Variants in RADIL observed in about 807,000 individuals in gnomAD.
The protein encoded by RADIL is ras-associating and dilute domain-containing protein.
A neutral mutation model predicts 97.6 loss-of-function variants in RADIL; 99 were observed. The ratio of observed to expected loss-of-function variants is 1.01; its 90% CI spans 0.86 to 1.20. RADIL has a LOEUF of 1.20. Ranked by LOEUF, RADIL falls within the 50% of genes most tolerant of loss-of-function variation. The pLI is 0.00. For missense variants in RADIL, 1,765 were observed against 1,498.9 expected (o/e 1.18, Z -2.93); for synonymous variants, 803 against 691.8 (o/e 1.16, Z -2.52).
Position 4,822,603 on chromosome 7 carries a change from A to T in RADIL, c.1455-49T>A. ...GTTACGCGGGGACCCGACCCTCAGGAGGCTGAATCTACCACTCTTTCTACA... is the reference window on the plus strand; with the variant it reads ...GTTACGCGGGGACCCGACCCTCAGGTGGCTGAATCTACCACTCTTTCTACA... On this transcript the variant is annotated intron_variant, in intron 5 of 14. Coordinates refer to ENST00000399583, the MANE Select transcript of RADIL (RefSeq NM_018059.5). This position sits in a 1 kb window ranked among gnomAD's most constrained non-coding sequence, Gnocchi z 5.3. 1 of 1,581,904 alleles carries T rather than the reference A, an allele frequency of 6.3e-7. No homozygotes were observed. Among genetic ancestry groups the T allele is most frequent in the Non-Finnish European group, 8.6e-7 (1 of 1,165,246 alleles).
chr7:4,861,278 G>T (rs1381376029), intron 2 of RADIL: 1 of 1,614,134 alleles, frequency 6.2e-7, no homozygotes, highest in East Asian at 2.2e-5. Context: ...TTCTGGAATA[G>T]TCTGTAGTGC....
At chr7:4,865,623 C>A in intron 2 of RADIL, 1 of 845,766 alleles carries the variant, frequency 1.2e-6, no homozygotes, top group Non-Finnish European at 2.1e-6. Flanking sequence ...TCGATGGTCA[C>A]CACCCCTCCA....
At chr7:4,850,227 A>C (rs11973226) in intron 2 of RADIL, among the ~76,000 whole-genome samples, 6 of 150,634 alleles carry the variant, frequency 4.0e-5, no homozygotes, top group African/African-American at 1.2e-4. Context: ...AAAAAAAAAA[A>C]AAAAAAAAAA....
At position 4,879,541 on chromosome 7, in the gene RADIL, T is replaced by A. The variant is rs1055805183; in HGVS notation, c.-64-1338A>T. Among the ~76,000 whole-genome samples the A allele has an allele frequency of 2.6e-5, 4 of 152,078 alleles. 1 individual carries two copies. Among genetic ancestry groups the A allele is most frequent in the African/African-American group, 9.7e-5 (4 of 41,406 alleles). ...TTCTGGAAAGCTCTGGAAAGAGTGG[T>A]CCAGGTCCCAGTGAACACAGCACGG... On this transcript the variant is annotated intron_variant, in intron 1 of 14. Coordinates refer to ENST00000399583, the MANE Select transcript of RADIL (RefSeq NM_018059.5). The surrounding 1 kb of genome is among the most constrained non-coding windows in gnomAD (Gnocchi z 4.1).
Position 4,815,483 on chromosome 7 carries a change from G to T in RADIL, c.1967-33C>A, listed in dbSNP as rs1262761074. On this transcript the variant is annotated intron_variant, in intron 8 of 14. Transcript: ENST00000399583. The surrounding 1 kb of genome is among the most constrained non-coding windows in gnomAD (Gnocchi z 8.0). Reference sequence around the variant, plus strand: ...GGGAAGAAGGGAGGGTGATGCCTGGGCTGCCCTCCTGGGGGGACACAGACA... The same window carrying T: ...GGGAAGAAGGGAGGGTGATGCCTGGTCTGCCCTCCTGGGGGGACACAGACA... 1 of 1,468,178 alleles carries T rather than the reference G, an allele frequency of 6.8e-7. No homozygotes were observed. 90.9% of individuals were successfully genotyped at this position (1,468,178 alleles called of 1,614,324 possible).
At chr7:4,802,813 G>GGGT (rs1782151022) in intron 11 of RADIL, among the ~76,000 whole-genome samples, 1 of 127,298 alleles carries the variant, frequency 7.9e-6, no homozygotes, top group African/African-American at 3.3e-5. Flanking sequence ...CATGCTGGCT[G>GGGT]GACCCCCTCC....
chr7:4,802,705 T>G (rs1207376870), intron 11 of RADIL, among the ~76,000 whole-genome samples: 1 of 32,910 alleles, frequency 3.0e-5, no homozygotes, highest in Non-Finnish European at 5.6e-5. Flanking sequence ...GCTGGCTGGG[T>G]CCCCTCCCCA....
chr7:4,868,255 G>C (rs2115041980), intron 2 of RADIL, among the ~76,000 whole-genome samples: 1 of 152,274 alleles, frequency 6.6e-6, no homozygotes, highest in South Asian at 2.1e-4. Context: ...GTAGAGACGG[G>C]GTTTCACCGT....
chr7:4,875,769 G>A (rs1784362916), intron 2 of RADIL, among the ~76,000 whole-genome samples: 1 of 152,240 alleles, frequency 6.6e-6, no homozygotes, highest in South Asian at 2.1e-4. Flanking sequence ...GGGTTTCCTG[G>A]CCTCACAGGA....
At position 4,854,988 on chromosome 7, in the gene RADIL, A is replaced by C. The variant is rs190414954; in HGVS notation, c.536-18383T>G. On this transcript the variant is annotated intron_variant, in intron 2 of 14. Transcript: ENST00000399583. This position sits in a 1 kb window ranked among gnomAD's most constrained non-coding sequence, Gnocchi z 5.1. ...ACACCACACATTTTTGGAACCCTAA[A>C]TTACACTGCTCTACTTTGCTTATTT... Among the ~76,000 whole-genome samples, 1 of 152,278 alleles carries C rather than the reference A, an allele frequency of 6.6e-6. No individual in the cohort carries two copies. Among genetic ancestry groups the C allele is most frequent in the East Asian group, 1.9e-4 (1 of 5,188 alleles).
chr7:4,830,576 C>T (rs1783111778), intron 5 of RADIL, among the ~76,000 whole-genome samples: 2 of 152,066 alleles, frequency 1.3e-5, no homozygotes, highest in South Asian at 4.1e-4. Flanking sequence ...CCTCGTGCAG[C>T]CATAAAAAAG....
Position 4,854,969 on chromosome 7 carries a change from C to G in RADIL, c.536-18364G>C, listed in dbSNP as rs1426462960. On this transcript the variant is annotated intron_variant, in intron 2 of 14. Coordinates refer to ENST00000399583, the MANE Select transcript of RADIL (RefSeq NM_018059.5). The surrounding 1 kb of genome is among the most constrained non-coding windows in gnomAD (Gnocchi z 5.1). Reference sequence around the variant, plus strand: ...CCTTTTTTCATTTATAGTTACACCACACATTTTTGGAACCCTAAATTACAC... The same window carrying G: ...CCTTTTTTCATTTATAGTTACACCAGACATTTTTGGAACCCTAAATTACAC... Among the ~76,000 whole-genome samples the G allele has an allele frequency of 6.6e-6, 1 of 152,156 alleles. No individual in the cohort carries two copies. Among genetic ancestry groups the G allele is most frequent in the Non-Finnish European group, 1.5e-5 (1 of 68,024 alleles).
At position 4,821,713 on chromosome 7, in the gene RADIL, G is replaced by A. The variant is rs538413467; in HGVS notation, c.1615+681C>T. On this transcript the variant is annotated intron_variant, in intron 6 of 14. Transcript: ENST00000399583. The surrounding 1 kb of genome is among the most constrained non-coding windows in gnomAD (Gnocchi z 5.2). ...TCTACCAAAAATACAAAAACTAGCC[G>A]GGCGAGGTGGCATGCTCCTGTAATC... Among the ~76,000 whole-genome samples, 58 of 152,146 alleles carry A rather than the reference G, an allele frequency of 3.8e-4. No individual in the cohort carries two copies. The highest frequency in any genetic ancestry group is 1.0e-3 in the African/African-American group (43 of 41,512).
In RADIL at chr7:4,824,363, G is replaced by A. The variant is rs1407054355; in HGVS notation, c.1455-1809C>T. On this transcript the variant is annotated intron_variant, in intron 5 of 14. Coordinates refer to ENST00000399583, the MANE Select transcript of RADIL (RefSeq NM_018059.5). The surrounding 1 kb of genome is among the most constrained non-coding windows in gnomAD (Gnocchi z 6.7). ...TGCTCAGTCCCAGGTGTGTGGACCCGGCCTGGGGTCCTTTGAAAGGTGCCA... is the reference window on the plus strand; with the variant it reads ...TGCTCAGTCCCAGGTGTGTGGACCCAGCCTGGGGTCCTTTGAAAGGTGCCA... Among the ~76,000 whole-genome samples, 3 of 152,210 alleles carry A rather than the reference G, an allele frequency of 2.0e-5. No homozygotes were observed. The highest frequency in any genetic ancestry group is 4.8e-5 in the African/African-American group (2 of 41,456).
Position 4,878,756 on chromosome 7 carries a change from TGCTGG to T in RADIL, c.-64-558_-64-554del, listed in dbSNP as rs917404040. On this transcript the variant is annotated intron_variant, in intron 1 of 14. Coordinates refer to ENST00000399583, the MANE Select transcript of RADIL (RefSeq NM_018059.5). This position sits in a 1 kb window ranked among gnomAD's most constrained non-coding sequence, Gnocchi z 4.1. ...CTGCAGGGCTTGGATTTCTGGAAAG[TGCTGG>T]GCGCAGCGCCCGTGTGCAGTGAGCA... Among the ~76,000 whole-genome samples, 9 of 152,338 alleles carry T rather than the reference TGCTGG, an allele frequency of 5.9e-5. No individual in the cohort carries two copies. The highest frequency in any genetic ancestry group is 5.9e-4 in the Admixed American group (9 of 15,306).
chr7:4,839,458 A>G (rs532382194), intron 2 of RADIL, among the ~76,000 whole-genome samples: 75 of 152,320 alleles, frequency 4.9e-4, no homozygotes, highest in African/African-American at 1.8e-3. Context: ...CAATGCACAC[A>G]GTGCGTTTAC....
intron 2 of RADIL, among the ~76,000 whole-genome samples, chr7:4,853,429 G>A (rs1356658449): frequency 2.0e-5 from 3 of 152,126 alleles, no homozygotes; most frequent in Non-Finnish European, 1.5e-5. Context: ...GAGATTCCAT[G>A]TGCCACTGCT....
intron 9 of RADIL, chr7:4,809,378 G>A (rs556024234): frequency 4.1e-6 from 4 of 985,408 alleles, no homozygotes; most frequent in East Asian, 2.3e-4. Context: ...CGGCTGAGCG[G>A]GGGGAGGCGG....
chr7:4,848,792 GA>G (rs1186660248), intron 2 of RADIL, among the ~76,000 whole-genome samples: 11 of 152,112 alleles, frequency 7.2e-5, no homozygotes, highest in African/African-American at 2.7e-4. Flanking sequence ...GAAGTCACTA[GA>G]AAATGTCTGA....
Sources: allele counts gnomAD v4.1 joint callset (sites outside exome capture counted in the v4.1 genomes callset), GRCh38; gene constraint gnomAD v4.1.1; non-coding constraint Gnocchi (gnomAD v3.1); transcripts MANE v1.5; gene names NCBI Gene and HGNC (gene_info 2026-07-23, HGNC 2026-07-21).